The following ADAMTSL1 variants were observed in gnomAD, a reference collection of about 807,000 sequenced individuals.
ADAMTSL1 encodes ADAMTS like 1, also known as ADAMTS-like protein 1.
A neutral mutation model predicts 201.8 loss-of-function variants in ADAMTSL1; 126 were observed. That is an observed-to-expected ratio of 0.62 (90% CI 0.54 to 0.72). The LOEUF (loss-of-function observed/expected upper bound fraction) is 0.72, where lower values mean the gene tolerates loss of function less well. ADAMTSL1 is among the 30% of genes least tolerant of loss of function. The probability of loss-of-function intolerance (pLI) is 0.00; values close to 1 mark genes in which losing one functional copy is unlikely to be tolerated. For missense variants in ADAMTSL1, 2,679 were observed against 2,277.8 expected, an observed-to-expected ratio of 1.18 and a Z score of -3.59; for synonymous variants, 1,121 against 903.4, an observed-to-expected ratio of 1.24 and a Z score of -4.32.
intron 1 of ADAMTSL1, among the ~76,000 whole-genome samples, chr9:18,044,912 A>C (rs372327593): frequency 7.9e-5 from 12 of 152,076 alleles, no homozygotes; most frequent in African/African-American, 2.9e-4. Flanking sequence ...ATTCTTTTTC[A>C]ATTACCAAAT....
chr9:18,386,748 T>C (rs1415036492), intron 2 of ADAMTSL1, among the ~76,000 whole-genome samples: 1 of 152,178 alleles, frequency 6.6e-6, no homozygotes, highest in Non-Finnish European at 1.5e-5. Flanking sequence ...TGTTTCCCTG[T>C]TTAACATTTT....
intron 2 of ADAMTSL1, among the ~76,000 whole-genome samples, chr9:18,506,272 A>G (rs1159978546): frequency 3.3e-5 from 5 of 152,236 alleles, no homozygotes. Flanking sequence ...AAAATCTGCA[A>G]TGTATGCTGC....
chr9:18,272,129 C>G (rs980193100), intron 2 of ADAMTSL1, among the ~76,000 whole-genome samples: 3 of 152,106 alleles, frequency 2.0e-5, no homozygotes, highest in African/African-American at 7.2e-5. Flanking sequence ...TGTAGGTTGC[C>G]TGTTCACTCT....
chr9:18,527,229 C>T (rs1236785043), intron 2 of ADAMTSL1, among the ~76,000 whole-genome samples: 1 of 152,212 alleles, frequency 6.6e-6, no homozygotes, highest in African/African-American at 2.4e-5. Flanking sequence ...CAGGGAAATA[C>T]AGTAACCCAT....
In ADAMTSL1 at chr9:18,906,866, C is replaced by T; in HGVS notation, c.5136C>T (p.Pro1712=). ...CTGAGCACCTGTGCTCCTGGGGGCC[C>T]CGGCCTGCCAACTGGCAGCGCTGCA... is the stretch of plus-strand genomic sequence containing the variant. ...AVPEHLCSWG[P]RPANWQRCNI... The change falls in exon 28 of 29, where the codon CCC becomes CCT. Residue 1712 remains proline (P), a synonymous_variant. Coordinates refer to ENST00000380548, the MANE Select transcript of ADAMTSL1 (RefSeq NM_001040272.6). The T allele has an allele frequency of 6.2e-7, 1 of 1,613,986 alleles. No individual in the cohort carries two copies. Among genetic ancestry groups the T allele is most frequent in the East Asian group, 2.2e-5 (1 of 44,870 alleles).
At chr9:18,267,357 C>A (rs955924330) in intron 2 of ADAMTSL1, among the ~76,000 whole-genome samples, 14 of 152,082 alleles carry the variant, frequency 9.2e-5, no homozygotes, top group African/African-American at 3.4e-4. Context: ...ATAGTTCTTA[C>A]AGGTGAGAGA....
At chr9:18,786,847 G>A (rs1821738706) in intron 19 of ADAMTSL1, among the ~76,000 whole-genome samples, 1 of 152,198 alleles carries the variant, frequency 6.6e-6, no homozygotes, top group South Asian at 2.1e-4. Context: ...AGTGAAATCT[G>A]TAGCCTCTAA....
chr9:18,767,117 G>T (rs1270853642), intron 16 of ADAMTSL1, among the ~76,000 whole-genome samples: 1 of 152,098 alleles, frequency 6.6e-6, no homozygotes, highest in Non-Finnish European at 1.5e-5. Flanking sequence ...AAGTAGGTTT[G>T]GGATGAGGTT....
chr9:18,083,025 G>A (rs548178993), intron 1 of ADAMTSL1, among the ~76,000 whole-genome samples: 3 of 152,288 alleles, frequency 2.0e-5, no homozygotes, highest in Admixed American at 6.5e-5. Flanking sequence ...CATTAGATAA[G>A]GATTGAATAA....
At chr9:17,939,423 C>T (rs1335240913) in intron 1 of ADAMTSL1, among the ~76,000 whole-genome samples, 2 of 151,832 alleles carry the variant, frequency 1.3e-5, no homozygotes, top group East Asian at 1.9e-4. Context: ...ATGTTTTATG[C>T]TGTATTCAAT....
At chr9:18,649,626 G>C (rs1045060073) in intron 7 of ADAMTSL1, among the ~76,000 whole-genome samples, 4 of 152,304 alleles carry the variant, frequency 2.6e-5, no homozygotes, top group Non-Finnish European at 5.9e-5. Flanking sequence ...CTCAGCTGCA[G>C]GTCTGTTGGA....
intron 3 of ADAMTSL1, among the ~76,000 whole-genome samples, chr9:18,538,190 T>A (rs1819912675): frequency 6.6e-6 from 1 of 152,116 alleles, no homozygotes; most frequent in East Asian, 1.9e-4. Flanking sequence ...TGCTAATGGT[T>A]GTGTGGACTA....
chr9:17,953,800 A>G (rs1273738287), intron 1 of ADAMTSL1, among the ~76,000 whole-genome samples: 2 of 152,176 alleles, frequency 1.3e-5, no homozygotes, highest in African/African-American at 4.8e-5. Context: ...AGTGGTTTAA[A>G]CAGCTAATTT....
intron 3 of ADAMTSL1, among the ~76,000 whole-genome samples, chr9:18,551,618 G>A (rs1234505093): frequency 1.3e-5 from 2 of 150,330 alleles, no homozygotes; most frequent in African/African-American, 4.9e-5. Context: ...GAGGCAAACT[G>A]TCTAGATTCA....
rs187403897 is a variant in ADAMTSL1, at chr9:18,408,447, G to A, written c.208-96382G>A. 8.6e-5 allele frequency among the ~76,000 whole-genome samples: 13 copies of A among 152,040 alleles called. 1 individual carries two copies. The East Asian group carries it at 2.1e-3, about 25-fold the overall frequency. On this transcript the variant is annotated intron_variant, in intron 2 of 29. Coordinates refer to the ADAMTSL1 transcript ENST00000680146. ...CACGGTGCCACTGCACTCCAGCCTG[G>A]GTGATAGAGTGAGACACTCTCCGCA...
intron 15 of ADAMTSL1, among the ~76,000 whole-genome samples, chr9:18,733,136 A>G (rs193003762): frequency 6.6e-6 from 1 of 152,290 alleles, no homozygotes; most frequent in East Asian, 1.9e-4. Flanking sequence ...TGTCTCTCAC[A>G]CTGTCCTGGG....
In ADAMTSL1 at chr9:18,784,209, C is replaced by T. The variant is rs372306826; in HGVS notation, c.3677+6303C>T. ...CAAAGCCAGGTCAGATGACCCCCTC[C>T]ATCATCCACATAGTACCCTATGCAT... On this transcript the variant is annotated intron_variant, in intron 19 of 28. Transcript: ENST00000380548. 2.6e-5 allele frequency among the ~76,000 whole-genome samples: 4 copies of T among 152,284 alleles called. No individual in the cohort carries two copies. The East Asian group carries it at 7.7e-4, about 29-fold the overall frequency.
At chr9:18,562,415 C>G (rs1821574172) in intron 3 of ADAMTSL1, among the ~76,000 whole-genome samples, 2 of 152,136 alleles carry the variant, frequency 1.3e-5, no homozygotes, top group African/African-American at 4.8e-5. Context: ...TTCCCTTTGT[C>G]AGTACCCGAC....
chr9:18,653,364 C>G (rs1384753304), intron 7 of ADAMTSL1, among the ~76,000 whole-genome samples: 1 of 152,188 alleles, frequency 6.6e-6, no homozygotes. Context: ...GTATCTCCTT[C>G]CTGACAAATC....
Sources: gnomAD v4.1 joint callset for allele counts (sites outside exome capture counted in the v4.1 genomes callset) on GRCh38, gnomAD v4.1.1 for gene constraint, MANE v1.5 for transcripts, NCBI Gene and HGNC (gene_info 2026-07-23, HGNC 2026-07-21) for gene names.